The following ABHD6 variants were observed in gnomAD, a reference collection of about 807,000 sequenced individuals.
ABHD6 encodes the protein abhydrolase domain containing 6, acylglycerol lipase, also known as monoacylglycerol lipase ABHD6.
Under a neutral mutation model 38.8 loss-of-function variants are expected in ABHD6, and 33 were observed. The observed-to-expected ratio is 0.85, with a 90% CI of 0.64 to 1.14. The LOEUF is 1.14. ABHD6 is among the 50% of genes most tolerant of loss of function. ABHD6 has a pLI of 0.00. For missense variants in ABHD6, 380 were observed against 422.6 expected (o/e 0.90, Z 0.88); for synonymous variants, 147 against 161.6 (o/e 0.91, Z 0.69).
intron 3 of ABHD6, among the ~76,000 whole-genome samples, chr3:58,264,338 C>T (rs2097439199): frequency 6.8e-6 from 1 of 147,648 alleles, no homozygotes; most frequent in Admixed American, 6.8e-5. Flanking sequence ...ATATTTTATG[C>T]CAGATTGCTT....
intron 1 of ABHD6, among the ~76,000 whole-genome samples, chr3:58,247,921 G>C (rs2097427521): frequency 6.6e-6 from 1 of 152,182 alleles, no homozygotes; most frequent in Non-Finnish European, 1.5e-5. Flanking sequence ...ACTTCAAAAG[G>C]GACAAAAGGT....
At chr3:58,270,315 A>G (rs2107454880) in intron 5 of ABHD6, among the ~76,000 whole-genome samples, 1 of 152,190 alleles carries the variant, frequency 6.6e-6, no homozygotes, top group East Asian at 1.9e-4. Context: ...TGTAAACTAA[A>G]TTTTACTGGA....
At chr3:58,278,922 T>A (rs1388837088) in intron 7 of ABHD6, among the ~76,000 whole-genome samples, 1 of 152,252 alleles carries the variant, frequency 6.6e-6, no homozygotes, top group Non-Finnish European at 1.5e-5. Flanking sequence ...TGAGTGAGTT[T>A]CTTAATCCTG....
intron 9 of ABHD6, among the ~76,000 whole-genome samples, chr3:58,292,302 G>T (rs2097463817): frequency 6.6e-6 from 1 of 152,214 alleles, no homozygotes; most frequent in Non-Finnish European, 1.5e-5. Context: ...GACACAGAAG[G>T]TGCTTGAGTT....
At chr3:58,292,769 T>C (rs1194912324) in intron 9 of ABHD6, among the ~76,000 whole-genome samples, 2 of 151,850 alleles carry the variant, frequency 1.3e-5, no homozygotes, top group Non-Finnish European at 2.9e-5. Context: ...ATACAAAAAT[T>C]AGCTGGGCAT....
In ABHD6 at chr3:58,293,882, A is replaced by T; in HGVS notation, c.*117A>T. 8.4e-7 allele frequency: 1 copy of T among 1,187,636 alleles called. No individual in the cohort carries two copies. The highest frequency in any genetic ancestry group is 1.2e-6 in the Non-Finnish European group (1 of 858,698). The allele number at this position is 1,187,636 out of a possible 1,614,324, so 73.6% of individuals were successfully genotyped here. A position where few individuals can be genotyped will look rare whatever the true frequency, so the allele number is the denominator to read the frequency against. On this transcript the variant is annotated 3_prime_UTR_variant, in exon 10 of 10. Transcript: ENST00000478253. This position sits in a 1 kb window ranked among gnomAD's most constrained non-coding sequence, Gnocchi z 4.4. ...TGCGGTCGGAGCGCCAGTGACCCTGAGGAAGCCCGTCCCTTATCCCTGGTA... is the reference window on the plus strand; with the variant it reads ...TGCGGTCGGAGCGCCAGTGACCCTGTGGAAGCCCGTCCCTTATCCCTGGTA...
At chr3:58,245,697 T>G (rs1375272721) in intron 1 of ABHD6, among the ~76,000 whole-genome samples, 2 of 152,060 alleles carry the variant, frequency 1.3e-5, no homozygotes, top group Admixed American at 6.6e-5. Context: ...CAAGAATTGC[T>G]TGAACCCCAG....
rs1356100357 is a variant in ABHD6 at position 58,287,696 on chromosome 3, C to T, written c.837+2243C>T. On this transcript the variant is annotated intron_variant, in intron 9 of 9. Coordinates refer to ENST00000478253, the MANE Select transcript of ABHD6 (RefSeq NM_001320126.2). This position sits in a 1 kb window ranked among gnomAD's most constrained non-coding sequence, Gnocchi z 4.7. ...AACCCCAAAGGTGATTTGGGGCTCT[C>T]AGGAGCCAACAGGGAGAGGCTGTAA... is the stretch of plus-strand genomic sequence containing the variant. Among the ~76,000 whole-genome samples the T allele has an allele frequency of 6.6e-6, 1 of 152,196 alleles. No homozygotes were observed. The highest frequency in any genetic ancestry group is 1.5e-5 in the Non-Finnish European group (1 of 68,046).
rs2097428445 is a variant in ABHD6 at position 58,249,297 on chromosome 3, A to AT, written c.-90-575dup. ...TTCCTCCTAGAACTTAGATGGTTTTATTTTTTATATTTAATTCTTTGATTC... is the reference window on the plus strand; with the variant it reads ...TTCCTCCTAGAACTTAGATGGTTTTATTTTTTTATATTTAATTCTTTGATTC... On this transcript the variant is annotated intron_variant, in intron 1 of 9. Transcript: ENST00000478253. 4.6e-5 allele frequency among the ~76,000 whole-genome samples: 7 copies of AT among 152,226 alleles called. No individual in the cohort carries two copies. In the South Asian group the frequency reaches 1.2e-3, roughly 27 times the overall value.
chr3:58,277,491 T>C (rs2097449618), intron 7 of ABHD6, among the ~76,000 whole-genome samples: 1 of 152,242 alleles, frequency 6.6e-6, no homozygotes, highest in South Asian at 2.1e-4. Flanking sequence ...AAGTTGCTTA[T>C]CAGCTTAAGG....
rs61099164 is a variant in ABHD6, at chr3:58,264,387, GCACACACACACACACACACACA to G, written c.120-2765_120-2744del. Among the ~76,000 whole-genome samples, 527 of 132,318 alleles carry G rather than the reference GCACACACACACACACACACACA, an allele frequency of 4.0e-3. 10 individuals are homozygous for G. Among genetic ancestry groups the G allele is most frequent in the East Asian group, 0.035 (167 of 4,780 alleles). 86.8% of individuals were successfully genotyped at this position (132,318 alleles called of 152,430 possible). A position where few individuals can be genotyped will look rare whatever the true frequency, so the allele number is the denominator to read the frequency against. On this transcript the variant is annotated intron_variant, in intron 3 of 9. Coordinates refer to ENST00000478253, the MANE Select transcript of ABHD6 (RefSeq NM_001320126.2). ...GAACTTTATAACTGGTTATATAAACGCACACACACACACACACACACACACACACACACACACACACACACAC... is the reference window on the plus strand; with the variant it reads ...GAACTTTATAACTGGTTATATAAACGCACACACACACACACACACACACAC...
chr3:58,239,809 T>C (rs775591172), intron 1 of ABHD6, among the ~76,000 whole-genome samples: 2 of 151,696 alleles, frequency 1.3e-5, no homozygotes, highest in Admixed American at 1.3e-4. Context: ...GGCGAGAAGT[T>C]AGACTCAAAG....
Position 58,263,246 on chromosome 3 carries a change from C to T in ABHD6, c.120-3943C>T, listed in dbSNP as rs1050193638. Among the ~76,000 whole-genome samples the T allele has an allele frequency of 4.6e-5, 7 of 151,744 alleles. No homozygotes were observed. Among genetic ancestry groups the T allele is most frequent in the African/African-American group, 9.7e-5 (4 of 41,384 alleles). The stretch of plus-strand genomic sequence containing the variant: ...AAAATAAACAAAAACAAAAATTAGC[C>T]GAGCGTGGTGGCACACACCTGTAAT... On this transcript the variant is annotated intron_variant, in intron 3 of 9. Transcript: ENST00000478253. The surrounding 1 kb of genome is among the most constrained non-coding windows in gnomAD (Gnocchi z 4.9).
rs376251635 is a variant in ABHD6, at chr3:58,251,090, C to CGG, written c.-26+1154_-26+1155dup. Among the ~76,000 whole-genome samples, 1 of 151,730 alleles carries CGG rather than the reference C, an allele frequency of 6.6e-6. No individual in the cohort carries two copies. Among genetic ancestry groups the CGG allele is most frequent in the African/African-American group, 2.4e-5 (1 of 41,266 alleles). On this transcript the variant is annotated intron_variant, in intron 2 of 9. Transcript: ENST00000478253. This position sits in a 1 kb window ranked among gnomAD's most constrained non-coding sequence, Gnocchi z 5.4. Reference sequence around the variant, plus strand: ...ATCCCAGCACTTTGGGAGGCCGAGGCGGGGGGGATCACCTGAGGTCAGGAG... The same window carrying CGG: ...ATCCCAGCACTTTGGGAGGCCGAGGCGGGGGGGGGATCACCTGAGGTCAGGAG...
Position 58,274,743 on chromosome 3 carries a change from C to A in ABHD6, c.609C>A (p.Ile203=), listed in dbSNP as rs141502975. The A allele has an allele frequency of 4.3e-6, 7 of 1,614,080 alleles. No individual in the cohort carries two copies. In the African/African-American group the frequency reaches 5.3e-5, roughly 12 times the overall value. ...GSAAVEKIPL[I]PSTPEEMSEM... ...CCGCCGTGGAGAAGATTCCCTTGAT[C>A]CCGTCTACCCCAGAAGAGATGAGTG... The change falls in exon 7 of 10, where the codon ATC becomes ATA. Residue 203 remains isoleucine, a synonymous_variant. Transcript: ENST00000478253.
intron 7 of ABHD6, among the ~76,000 whole-genome samples, chr3:58,278,958 C>G (rs2097450879): frequency 6.6e-6 from 1 of 151,556 alleles, no homozygotes; most frequent in Non-Finnish European, 1.5e-5. Flanking sequence ...GCACTGTGGT[C>G]TGAGAGACAG....
chr3:58,254,924 C>T (rs1409195225), intron 2 of ABHD6, among the ~76,000 whole-genome samples: 16 of 151,590 alleles, frequency 1.1e-4, no homozygotes. Context: ...TGCCATGTTG[C>T]CTAGGCTGGT....
At chr3:58,255,154 C>G (rs1241701751) in intron 2 of ABHD6, among the ~76,000 whole-genome samples, 1 of 152,206 alleles carries the variant, frequency 6.6e-6, no homozygotes, top group Admixed American at 6.5e-5. Context: ...TGGGGACACC[C>G]AGTCCTTACT....
chr3:58,286,840 G>GCATATATATA (rs2097457368), intron 9 of ABHD6, among the ~76,000 whole-genome samples: 2 of 36,418 alleles, frequency 5.5e-5, no homozygotes, highest in Admixed American at 6.2e-4. Context: ...GTGTGTGTGT[G>GCATATATATA]TGTGTGTGTG....
Sources: allele counts gnomAD v4.1 joint callset (sites outside exome capture counted in the v4.1 genomes callset), GRCh38; gene constraint gnomAD v4.1.1; non-coding constraint Gnocchi (gnomAD v3.1); transcripts MANE v1.5; gene names NCBI Gene and HGNC (gene_info 2026-07-23, HGNC 2026-07-21).